C1QTNF3: variants seen among roughly 807,000 people sequenced by gnomAD.
C1QTNF3 encodes the protein C1q and TNF related 3.
A neutral mutation model predicts 32.6 loss-of-function variants in C1QTNF3; 26 were observed. The ratio of observed to expected loss-of-function variants is 0.80; its 90% confidence interval spans 0.58 to 1.11. C1QTNF3 has a LOEUF of 1.11. C1QTNF3 is among the 50% of genes least tolerant of loss of function. The probability of loss-of-function intolerance (pLI) is 0.00; values close to 1 mark genes in which losing one functional copy is unlikely to be tolerated. For synonymous variants in C1QTNF3, 155 were observed against 146.0 expected (o/e 1.06, Z -0.44); for missense variants, 362 against 398.2 (o/e 0.91, Z 0.77).
chr5:34,039,983 C>T (rs372791452), intron 1 of C1QTNF3, among the ~76,000 whole-genome samples: 2 of 152,164 alleles, frequency 1.3e-5, no homozygotes, highest in African/African-American at 2.4e-5. Context: ...TCGAGCACCT[C>T]GTGAGAACCC....
At chr5:34,097,298 C>G in the C1QTNF3 span, among the ~76,000 whole-genome samples, 32 of 152,016 alleles carry the variant, frequency 2.1e-4, no homozygotes, top group Admixed American at 2.0e-3. Flanking sequence ...TCTTCATCAT[C>G]ATCATTGTAT....
the C1QTNF3 span, among the ~76,000 whole-genome samples, chr5:34,056,479 TAGAGA>T: frequency 1.9e-5 from 1 of 51,756 alleles, no homozygotes; most frequent in Non-Finnish European, 3.4e-5. Flanking sequence ...TATATATATA[TAGAGA>T]GAGAGAGAGA....
the C1QTNF3 span, among the ~76,000 whole-genome samples, chr5:34,220,298 G>A: frequency 6.6e-6 from 1 of 152,004 alleles, no homozygotes; most frequent in African/African-American, 2.4e-5. Flanking sequence ...CAGAAGGAGA[G>A]CAAATGTAAA....
At chr5:34,235,597 A>G in the C1QTNF3 span, among the ~76,000 whole-genome samples, 4 of 149,664 alleles carry the variant, frequency 2.7e-5, no homozygotes, top group Non-Finnish European at 5.9e-5. Flanking sequence ...GGATTATGGA[A>G]CAGAACAAAC....
chr5:34,066,763 C>T, the C1QTNF3 span, among the ~76,000 whole-genome samples: 2 of 152,190 alleles, frequency 1.3e-5, no homozygotes, highest in African/African-American at 4.8e-5. Context: ...GCCCTGGAGA[C>T]ATTTTTCCCA....
chr5:34,075,813 C>T, the C1QTNF3 span, among the ~76,000 whole-genome samples: 11 of 151,032 alleles, frequency 7.3e-5, no homozygotes, highest in African/African-American at 9.8e-5. Context: ...GCATTGTTTA[C>T]GATAGCCAAA....
At chr5:34,183,899 G>C in the C1QTNF3 span, among the ~76,000 whole-genome samples, 3 of 152,346 alleles carry the variant, frequency 2.0e-5, no homozygotes, top group Admixed American at 6.5e-5. Flanking sequence ...AAAAGAGAGA[G>C]AATATTTGGC....
the C1QTNF3 span, among the ~76,000 whole-genome samples, chr5:34,147,765 CACAACAGATTCGT>C: frequency 2.0e-5 from 3 of 152,142 alleles, no homozygotes; most frequent in African/African-American, 7.2e-5. Flanking sequence ...CTCAGCATCA[CACAACAGATTCGT>C]GTAACAGACT....
At chr5:34,037,281 G>A (rs570615274) in intron 1 of C1QTNF3, among the ~76,000 whole-genome samples, 1 of 152,044 alleles carries the variant, frequency 6.6e-6, no homozygotes, top group East Asian at 1.9e-4. Context: ...GTTGCTAAGA[G>A]ATTCATGAAA....
At chr5:34,177,744 C>T in the C1QTNF3 span, among the ~76,000 whole-genome samples, 1 of 151,866 alleles carries the variant, frequency 6.6e-6, no homozygotes, top group African/African-American at 2.4e-5. Flanking sequence ...ACCTCAGCCT[C>T]CCAAAGTGCT....
chr5:34,021,346 C>T (rs73079028), intron 5 of C1QTNF3, among the ~76,000 whole-genome samples: 3,268 of 152,240 alleles, frequency 0.021, 107 homozygotes, highest in African/African-American at 0.071. Context: ...GATCTAATGC[C>T]TGTAGGGTAA....
intron 5 of C1QTNF3, among the ~76,000 whole-genome samples, chr5:34,021,146 T>G (rs73761631): frequency 0.036 from 5,453 of 152,254 alleles, 336 homozygotes; most frequent in African/African-American, 0.13. Context: ...TTACAGTAAT[T>G]TAGCTTCCCC....
At chr5:34,024,432 A>G (rs71631094) in intron 4 of C1QTNF3, 1 of 168,378 alleles carries the variant, frequency 5.9e-6, no homozygotes, top group Non-Finnish European at 1.3e-5. Context: ...AGCAACTATT[A>G]CAATATAACA....
At chr5:34,217,818 C>T in the C1QTNF3 span, among the ~76,000 whole-genome samples, 1 of 152,006 alleles carries the variant, frequency 6.6e-6, no homozygotes, top group Admixed American at 6.6e-5. Context: ...AAAATAGCAA[C>T]ATTAAAAATT....
the C1QTNF3 span, among the ~76,000 whole-genome samples, chr5:34,170,032 A>T: frequency 6.6e-6 from 1 of 152,230 alleles, no homozygotes; most frequent in African/African-American, 2.4e-5. Context: ...GAAATGACCC[A>T]TGTCTATGCC....
the C1QTNF3 span, among the ~76,000 whole-genome samples, chr5:34,157,140 A>T: frequency 1.3e-5 from 2 of 152,210 alleles, no homozygotes; most frequent in South Asian, 2.1e-4. Context: ...GGCAAATTTC[A>T]TATGAATGTC....
the C1QTNF3 span, among the ~76,000 whole-genome samples, chr5:34,198,137 G>A: frequency 7.0e-6 from 1 of 142,190 alleles, no homozygotes; most frequent in Non-Finnish European, 1.5e-5. Flanking sequence ...AGCTACTCAG[G>A]AGGCTGAGGC....
chr5:34,041,898 G>C (rs1009785924), intron 1 of C1QTNF3, among the ~76,000 whole-genome samples: 2 of 151,410 alleles, frequency 1.3e-5, no homozygotes, highest in African/African-American at 4.9e-5. Flanking sequence ...AATTCTTCAG[G>C]TCCTATTTAA....
chr5:34,114,155 G>A, the C1QTNF3 span, among the ~76,000 whole-genome samples: 2 of 152,096 alleles, frequency 1.3e-5, no homozygotes, highest in Admixed American at 6.5e-5. Context: ...GTGTCAAATT[G>A]AAATTATATG....
Sources: allele counts gnomAD v4.1 joint callset (sites outside exome capture counted in the v4.1 genomes callset), GRCh38; gene constraint gnomAD v4.1.1; transcripts MANE v1.5; gene names NCBI Gene and HGNC (gene_info 2026-07-23, HGNC 2026-07-21).